FSD1L: variants seen among roughly 807,000 people sequenced by gnomAD.
FSD1L encodes fibronectin type III and SPRY domain containing 1 like.
Under a neutral mutation model 71.6 loss-of-function variants are expected in FSD1L, and 45 were observed. That is an observed-to-expected ratio of 0.63 (90% CI 0.49 to 0.81). The LOEUF (loss-of-function observed/expected upper bound fraction) is 0.81, where lower values mean the gene tolerates loss of function less well. Among genes scored for constraint, FSD1L ranks in the 30% least tolerant of loss-of-function variants. The probability of loss-of-function intolerance (pLI) is 0.00; values close to 1 mark genes in which losing one functional copy is unlikely to be tolerated. For synonymous variants in FSD1L, 197 were observed against 207.2 expected, an observed-to-expected ratio of 0.95 and a Z score of 0.42; for missense variants, 561 against 618.1, an observed-to-expected ratio of 0.91 and a Z score of 0.98.
intron 12 of FSD1L, among the ~76,000 whole-genome samples, chr9:105,538,613 T>C (rs1836413978): frequency 6.6e-6 from 1 of 152,194 alleles, no homozygotes; most frequent in African/African-American, 2.4e-5. Flanking sequence ...ATGATCCTAT[T>C]GAAGGATATA....
In FSD1L at chr9:105,507,889, C is replaced by T. The variant is rs75064463; in HGVS notation, c.797-728C>T. Among the ~76,000 whole-genome samples, 294 of 109,224 alleles carry T rather than the reference C, an allele frequency of 2.7e-3. 2 individuals carry two copies. Among genetic ancestry groups the T allele is most frequent in the African/African-American group, 9.2e-3 (272 of 29,436 alleles). The allele number at this position is 109,224 out of a possible 152,430, so 71.7% of individuals were successfully genotyped here. ...CTCTTATTTTGAGCATATCACTCTTCTTTTTTTTTTTTTTTTTTTGAGACA... is the reference window on the plus strand; with the variant it reads ...CTCTTATTTTGAGCATATCACTCTTTTTTTTTTTTTTTTTTTTTTGAGACA... On this transcript the variant is annotated intron_variant, in intron 8 of 13. Coordinates refer to ENST00000481272, the MANE Select transcript of FSD1L (RefSeq NM_001145313.3).
At chr9:105,452,953 C>A (rs114635974) in intron 1 of FSD1L, among the ~76,000 whole-genome samples, 2,881 of 151,008 alleles carry the variant, frequency 0.019, 86 homozygotes, top group African/African-American at 0.066. Flanking sequence ...TCCAGGCTAG[C>A]CTTGAACTCT....
rs1835194435 is a variant in FSD1L, at chr9:105,521,962, T to C, written c.1025+9026T>C. On this transcript the variant is annotated intron_variant, in intron 10 of 13. Transcript: ENST00000481272. ...CTTAACATTTATCGGTACATGGTTG[T>C]ACAAGTATCAATGGACAAAAAGACT... The C allele has an allele frequency of 2.5e-6, 4 of 1,612,814 alleles. No homozygotes were observed. The Admixed American group carries it at 5.0e-5, about 20-fold the overall frequency.
Position 105,461,990 on chromosome 9 carries a change from G to C in FSD1L, c.111+375G>C, listed in dbSNP as rs532660782. 8.6e-5 allele frequency among the ~76,000 whole-genome samples: 13 copies of C among 150,666 alleles called. No individual in the cohort carries two copies. In the South Asian group the frequency reaches 2.8e-3, roughly 32 times the overall value. On this transcript the variant is annotated intron_variant, in intron 2 of 13. Transcript: ENST00000481272. Reference sequence around the variant, plus strand: ...AAAAAAGGCTTCTCATTAAAATCTTGGGAGCTCAGGTCTTATCTAGTTGGG... The same window carrying C: ...AAAAAAGGCTTCTCATTAAAATCTTCGGAGCTCAGGTCTTATCTAGTTGGG...
chr9:105,468,471 A>G, intron 4 of FSD1L, 147 bp downstream of exon 4: 1 of 601,776 alleles, frequency 1.7e-6, no homozygotes, highest in Non-Finnish European at 2.6e-6. Context: ...AAGTATTCTA[A>G]AATTGTTGTT....
At chr9:105,454,512 C>T (rs752123397) in intron 1 of FSD1L, among the ~76,000 whole-genome samples, 4 of 152,150 alleles carry the variant, frequency 2.6e-5, no homozygotes, top group Non-Finnish European at 5.9e-5. Context: ...TTATTTGATA[C>T]ATATTGTCAA....
intron 7 of FSD1L, 128 bp downstream of exon 7, chr9:105,484,630 G>T: frequency 3.8e-6 from 2 of 528,852 alleles, no homozygotes; most frequent in Non-Finnish European, 5.9e-6. Context: ...TTCAGCTAAG[G>T]AATAATTAAA....
rs557863476 is a variant in FSD1L at position 105,515,238 on chromosome 9, G to A, written c.1025+2302G>A. 1.6e-4 allele frequency among the ~76,000 whole-genome samples: 24 copies of A among 152,246 alleles called. No homozygotes were observed. In the South Asian group the frequency reaches 4.1e-3, roughly 26 times the overall value. On this transcript the variant is annotated intron_variant, in intron 10 of 13. Transcript: ENST00000481272. ...AAGATCACATACAGGGCACATGCGC[G>A]TCACTAGATGGCACGGCTGTCTTCT... is the stretch of plus-strand genomic sequence containing the variant.
At chr9:105,448,617 A>G (rs903064619) in intron 1 of FSD1L, among the ~76,000 whole-genome samples, 1 of 80,244 alleles carries the variant, frequency 1.2e-5, no homozygotes, top group Non-Finnish European at 2.5e-5. Context: ...AAACCGAGGC[A>G]CAGCCTTTTT....
chr9:105,459,319 A>G (rs1830546980), intron 1 of FSD1L, among the ~76,000 whole-genome samples: 1 of 152,156 alleles, frequency 6.6e-6, no homozygotes, highest in Non-Finnish European at 1.5e-5. Context: ...TTCCAGTTCT[A>G]CTGAGCACCA....
chr9:105,497,525 C>T (rs1428392666), intron 7 of FSD1L, among the ~76,000 whole-genome samples: 1 of 152,086 alleles, frequency 6.6e-6, no homozygotes, highest in Admixed American at 6.5e-5. Flanking sequence ...TTATTAGTAT[C>T]GATTCAATTT....
At chr9:105,525,505 C>T (rs1310881518) in intron 10 of FSD1L, 16 of 1,609,830 alleles carry the variant, frequency 9.9e-6, no homozygotes, top group Non-Finnish European at 1.3e-5. Context: ...ACAAGATGAA[C>T]CAATACCTCA....
intron 10 of FSD1L, among the ~76,000 whole-genome samples, chr9:105,514,485 A>G (rs1834583287): frequency 6.6e-6 from 1 of 152,208 alleles, no homozygotes; most frequent in Non-Finnish European, 1.5e-5. Flanking sequence ...TCTGCTTTCA[A>G]GAAATTTGCC....
At chr9:105,466,156 A>T (rs1160301017) in intron 3 of FSD1L, among the ~76,000 whole-genome samples, 1 of 152,158 alleles carries the variant, frequency 6.6e-6, no homozygotes, top group Non-Finnish European at 1.5e-5. Context: ...GCTGTAGCAT[A>T]AAAAAATAGG....
chr9:105,466,997 C>G (rs1050688476), intron 3 of FSD1L, among the ~76,000 whole-genome samples: 1 of 152,158 alleles, frequency 6.6e-6, no homozygotes, highest in African/African-American at 2.4e-5. Flanking sequence ...CAACAAGATG[C>G]CATCTGGTGA....
intron 12 of FSD1L, among the ~76,000 whole-genome samples, chr9:105,536,959 C>T (rs1330967687): frequency 6.6e-6 from 1 of 152,130 alleles, no homozygotes; most frequent in Admixed American, 6.6e-5. Context: ...TTAAAAATAA[C>T]TCAATGTTAT....
At chr9:105,455,195 C>T (rs1264735019) in intron 1 of FSD1L, among the ~76,000 whole-genome samples, 1 of 152,204 alleles carries the variant, frequency 6.6e-6, no homozygotes, top group East Asian at 1.9e-4. Context: ...TTCTGAGCTT[C>T]ACTGGGCTGT....
intron 6 of FSD1L, 70 bp from the exon 7 acceptor site, chr9:105,484,311 T>G (rs1230275829): frequency 1.2e-5 from 14 of 1,188,008 alleles, no homozygotes; most frequent in Non-Finnish European, 1.6e-5. Context: ...GTCTTTTCAT[T>G]TTATAAATTA....
At chr9:105,524,558 G>A in intron 10 of FSD1L, 3 of 1,613,964 alleles carry the variant, frequency 1.9e-6, no homozygotes, top group Non-Finnish European at 2.5e-6. Context: ...TTTTACATGG[G>A]TGTGTTTATG....
Sources: gnomAD v4.1 joint callset for allele counts (sites outside exome capture counted in the v4.1 genomes callset) on GRCh38, gnomAD v4.1.1 for gene constraint, MANE v1.5 for transcripts, NCBI Gene and HGNC (gene_info 2026-07-23, HGNC 2026-07-21) for gene names.